Variants in KIF26B observed in about 807,000 individuals in gnomAD.
KIF26B encodes kinesin-like protein KIF26B.
A neutral mutation model predicts 151.2 loss-of-function variants in KIF26B; 63 were observed. The ratio of observed to expected loss-of-function variants is 0.42; its 90% CI spans 0.34 to 0.51. KIF26B has a LOEUF of 0.51. KIF26B is among the 20% of genes least tolerant of loss of function. KIF26B has a pLI of 0.07. For synonymous variants in KIF26B, 1,357 were observed against 1,262.1 expected (o/e 1.08, Z -1.59); for missense variants, 2,813 against 2,913.6 (o/e 0.97, Z 0.79).
chr1:245,179,967 C>T (rs918812387), intron 2 of KIF26B, among the ~76,000 whole-genome samples: 18 of 152,170 alleles, frequency 1.2e-4, no homozygotes, highest in African/African-American at 3.9e-4. Context: ...GAGGAGGCAG[C>T]GCCTGGGGGG....
chr1:245,691,810 G>C (rs927075486), intron 12 of KIF26B, among the ~76,000 whole-genome samples: 5 of 152,152 alleles, frequency 3.3e-5, no homozygotes, highest in Non-Finnish European at 7.4e-5. Context: ...CAGCAGAAAC[G>C]ACCAAATATC....
chr1:245,169,816 G>A (rs1483215155), intron 2 of KIF26B, among the ~76,000 whole-genome samples: 3 of 152,050 alleles, frequency 2.0e-5, no homozygotes, highest in African/African-American at 7.2e-5. Flanking sequence ...TGGTGGTCAG[G>A]AAGGAGATAA....
rs553492282 is a variant in KIF26B at position 245,541,752 on chromosome 1, G to A, written c.1350+802G>A. Among the ~76,000 whole-genome samples the A allele has an allele frequency of 2.0e-3, 303 of 152,116 alleles. 2 individuals carry two copies. The highest frequency in any genetic ancestry group is 7.1e-3 in the African/African-American group (293 of 41,416). On this transcript the variant is annotated intron_variant, in intron 5 of 14. Transcript: ENST00000407071. ...TGACTCCGGCCCTGGGCTTCATTTG[G>A]CCGCCGTTGCTAGTCTTGCTGAAGC...
intron 4 of KIF26B, among the ~76,000 whole-genome samples, chr1:245,527,587 G>A (rs970468410): frequency 3.2e-5 from 4 of 124,116 alleles, no homozygotes; most frequent in South Asian, 5.1e-4. Flanking sequence ...AGGCTGGAGC[G>A]CAGTGGCGTG....
Position 245,650,416 on chromosome 1 carries a change from G to A in KIF26B, c.2258+4136G>A, listed in dbSNP as rs190701489. Among the ~76,000 whole-genome samples, 274 of 152,318 alleles carry A rather than the reference G, an allele frequency of 1.8e-3. 4 individuals carry two copies. The highest frequency in any genetic ancestry group is 2.5e-3 in the East Asian group (13 of 5,174). ...ACAGGAGTTGGCCCCCAGAAGAACC[G>A]CCACAAGGATCTGTCAGGGTGAACT... On this transcript the variant is annotated intron_variant, in intron 10 of 14. Transcript: ENST00000407071.
chr1:245,369,027 A>G (rs1360467596), intron 3 of KIF26B, among the ~76,000 whole-genome samples: 4 of 152,140 alleles, frequency 2.6e-5, no homozygotes, highest in Non-Finnish European at 4.4e-5. Context: ...AGTGTCAGCT[A>G]CTTGGGAGGC....
chr1:245,359,022 CT>C (rs544907561), intron 2 of KIF26B, among the ~76,000 whole-genome samples: 137 of 147,506 alleles, frequency 9.3e-4, no homozygotes, highest in African/African-American at 2.8e-3. Flanking sequence ...GTTTCTCTCT[CT>C]TTTTTTTTTT....
At position 245,208,577 on chromosome 1, in the gene KIF26B, G is replaced by A. The variant is rs575365131; in HGVS notation, c.465+51894G>A. On this transcript the variant is annotated intron_variant, in intron 2 of 14. Transcript: ENST00000407071. ...CACAGAAAGTCCTCAGGTTAAAGATGTTGAGGTGGAGGCCTGGGGAGGCAA... is the reference window on the plus strand; with the variant it reads ...CACAGAAAGTCCTCAGGTTAAAGATATTGAGGTGGAGGCCTGGGGAGGCAA... Among the ~76,000 whole-genome samples, 5 of 152,340 alleles carry A rather than the reference G, an allele frequency of 3.3e-5. No homozygotes were observed. In the East Asian group the frequency reaches 5.8e-4, roughly 18 times the overall value.
At chr1:245,294,733 G>A (rs960636171) in intron 2 of KIF26B, among the ~76,000 whole-genome samples, 1 of 152,078 alleles carries the variant, frequency 6.6e-6, no homozygotes, top group African/African-American at 2.4e-5. Flanking sequence ...CATGATCTCG[G>A]CTCACTGCAA....
At chr1:245,254,775 C>T (rs1670504175) in intron 2 of KIF26B, among the ~76,000 whole-genome samples, 1 of 152,136 alleles carries the variant, frequency 6.6e-6, no homozygotes, top group Admixed American at 6.5e-5. Context: ...GAGGGCTGTA[C>T]CCTGGGGGCT....
chr1:245,580,765 C>T (rs946681561), intron 5 of KIF26B, among the ~76,000 whole-genome samples: 3 of 152,248 alleles, frequency 2.0e-5, no homozygotes, highest in African/African-American at 7.2e-5. Context: ...TTACCCTTAG[C>T]TCCTGCCACC....
chr1:245,433,068 T>C (rs566105111), intron 4 of KIF26B, among the ~76,000 whole-genome samples: 99 of 152,356 alleles, frequency 6.5e-4, no homozygotes, highest in South Asian at 2.5e-3. Flanking sequence ...ATACTTAGCA[T>C]CATGCTTGCA....
chr1:245,543,782 T>C (rs528967998), intron 5 of KIF26B, among the ~76,000 whole-genome samples: 1 of 152,226 alleles, frequency 6.6e-6, no homozygotes, highest in South Asian at 2.1e-4. Flanking sequence ...ACCCCGTCTC[T>C]ACTAAAAATA....
At chr1:245,258,892 C>A (rs180990063) in intron 2 of KIF26B, among the ~76,000 whole-genome samples, 3 of 152,306 alleles carry the variant, frequency 2.0e-5, no homozygotes, top group Non-Finnish European at 4.4e-5. Flanking sequence ...TTTTCCCATG[C>A]GTGAGCCCTC....
intron 10 of KIF26B, among the ~76,000 whole-genome samples, chr1:245,681,023 T>C (rs984347273): frequency 2.0e-5 from 3 of 152,172 alleles, no homozygotes; most frequent in African/African-American, 7.2e-5. Flanking sequence ...AAGGCTGTGA[T>C]GTGCCTTATG....
chr1:245,254,993 CAG>C (rs1283168443), intron 2 of KIF26B, among the ~76,000 whole-genome samples: 1 of 152,206 alleles, frequency 6.6e-6, no homozygotes, highest in Non-Finnish European at 1.5e-5. Flanking sequence ...TCCTCCGTAA[CAG>C]TGTTAAGAGG....
Position 245,688,011 on chromosome 1 carries a change from C to T in KIF26B, c.5028C>T (p.His1676=), listed in dbSNP as rs781499892. ...CGCTGGGCAGGGCGACAGTCAGCCA[C>T]TACGAATGCCTCTCCCTGGAGCGGG... ...SNSLGRATVS[H]YECLSLERAE... Residue 1676 remains histidine, a synonymous_variant, in exon 12 of 15, where the codon CAC becomes CAT. Coordinates refer to ENST00000407071, the MANE Select transcript of KIF26B (RefSeq NM_018012.4). The T allele has an allele frequency of 1.9e-6, 3 of 1,563,108 alleles. No homozygotes were observed. Among genetic ancestry groups the T allele is most frequent in the South Asian group, 2.4e-5 (2 of 84,902 alleles).
chr1:245,431,393 A>G (rs1258068595), intron 4 of KIF26B, among the ~76,000 whole-genome samples: 7 of 127,904 alleles, frequency 5.5e-5, no homozygotes, highest in African/African-American at 9.2e-5. Flanking sequence ...CGCCCAGGCT[A>G]GGGTGCAGTG....
At chr1:245,383,269 C>T (rs977280657) in intron 3 of KIF26B, among the ~76,000 whole-genome samples, 3 of 151,614 alleles carry the variant, frequency 2.0e-5, no homozygotes, top group East Asian at 1.9e-4. Flanking sequence ...CGTCTGAACA[C>T]GGTATCCCTG....
Sources: allele counts gnomAD v4.1 joint callset (sites outside exome capture counted in the v4.1 genomes callset), GRCh38; gene constraint gnomAD v4.1.1; transcripts MANE v1.5; gene names NCBI Gene and HGNC (gene_info 2026-07-23, HGNC 2026-07-21).